KIDINS220: variants seen among roughly 807,000 people sequenced by gnomAD.
KIDINS220 encodes the protein kinase D-interacting substrate of 220 kDa.
Under a neutral mutation model 157.6 loss-of-function variants are expected in KIDINS220, and 63 were observed. The observed-to-expected ratio is 0.40, with a 90% confidence interval of 0.33 to 0.49. The LOEUF (loss-of-function observed/expected upper bound fraction) is 0.49, where lower values mean the gene tolerates loss of function less well. KIDINS220 is among the 20% of genes least tolerant of loss of function. KIDINS220 has a pLI of 0.66. For missense variants in KIDINS220, 1,772 were observed against 2,171.2 expected, an observed-to-expected ratio of 0.82 and a Z score of 3.65; for synonymous variants, 732 against 783.6, an observed-to-expected ratio of 0.93 and a Z score of 1.10.
At chr2:8,824,044 G>A (rs1678396281) in intron 2 of KIDINS220, among the ~76,000 whole-genome samples, 1 of 151,022 alleles carries the variant, frequency 6.6e-6, no homozygotes, top group South Asian at 2.1e-4. Context: ...GTTCAAATAT[G>A]GACTCTACCA....
intron 29 of KIDINS220, 93 bp from the exon 30 acceptor site, chr2:8,732,075 T>C: frequency 4.6e-6 from 5 of 1,084,538 alleles, no homozygotes; most frequent in Non-Finnish European, 5.0e-6. Context: ...ACACTAACCA[T>C]TTAAAAAGTC....
intron 24 of KIDINS220, among the ~76,000 whole-genome samples, chr2:8,748,477 A>C (rs972221601): frequency 4.6e-5 from 7 of 152,236 alleles, no homozygotes; most frequent in African/African-American, 1.7e-4. Flanking sequence ...TGTTATTACA[A>C]GTTCCTGGAG....
At chr2:8,794,733 T>C (rs913816155) in intron 11 of KIDINS220, among the ~76,000 whole-genome samples, 4 of 152,206 alleles carry the variant, frequency 2.6e-5, no homozygotes, top group African/African-American at 9.7e-5. Context: ...TGCAAAGTGC[T>C]CTCCTATTGA....
At chr2:8,770,604 G>A (rs1010814741) in intron 22 of KIDINS220, 66 bp downstream of exon 22, 60 of 800,430 alleles carry the variant, frequency 7.5e-5, no homozygotes, top group South Asian at 2.1e-4. Flanking sequence ...TGCTTTATAC[G>A]CGTTTTTTTT....
chr2:8,756,045 TG>T (rs965206138), intron 22 of KIDINS220, among the ~76,000 whole-genome samples: 7 of 152,224 alleles, frequency 4.6e-5, no homozygotes, highest in Admixed American at 6.5e-5. Flanking sequence ...GGTATAATAT[TG>T]AATCTGTAGA....
chr2:8,813,447 G>T lies in KIDINS220; in HGVS notation c.307-112C>A, dbSNP rs1473005318. 5.4e-6 allele frequency: 4 copies of T among 742,760 alleles called. No individual in the cohort carries two copies. The African/African-American group carries it at 5.4e-5, about 10-fold the overall frequency. 46.0% of individuals were successfully genotyped at this position (742,760 alleles called of 1,614,324 possible). ...ATATCTTTATAAATCATTGTTTCAT[G>T]ATGGTAGTATTATATAGTTCTAAAT... On this transcript the variant is annotated intron_variant, in intron 4 of 29. Transcript: ENST00000256707.
In KIDINS220 at chr2:8,779,743, T is replaced by C. The variant is rs773432517; in HGVS notation, c.2301A>G (p.Thr767=). The change falls in exon 18 of 30, where the codon ACA becomes ACG. Residue 767 remains threonine, a synonymous_variant. Coordinates refer to ENST00000256707, the MANE Select transcript of KIDINS220 (RefSeq NM_020738.4). ...ATCCATCGATGATGACCACCAGCCT[T>C]GTCTGATTCTGAGTGAAGCTGTCAA... ...KTIDSFTQNQ[T]RLVVIIDGLD... is the part of the protein sequence containing the mutation. The C allele has an allele frequency of 6.2e-6, 10 of 1,614,194 alleles. No homozygotes were observed. The highest frequency in any genetic ancestry group is 1.3e-5 in the African/African-American group (1 of 75,066).
chr2:8,800,536 T>C (rs768374920), intron 8 of KIDINS220, 38 bp from the exon 9 acceptor site: 6 of 1,401,864 alleles, frequency 4.3e-6, no homozygotes, highest in African/African-American at 1.4e-5. Context: ...ACAAGGTAAA[T>C]TGACAACAAA....
At chr2:8,780,269 C>T (rs778191934) in intron 17 of KIDINS220, among the ~76,000 whole-genome samples, 2 of 128,180 alleles carry the variant, frequency 1.6e-5, no homozygotes, top group Non-Finnish European at 3.8e-5. Flanking sequence ...GATATCTTTA[C>T]TGGGCTCTAG....
In KIDINS220 at chr2:8,792,915, C is replaced by T. The variant is rs538005185; in HGVS notation, c.1276+895G>A. ...TTGTTAGCAAAACAAACTAAATATT[C>T]ACCAATAGCGAACTCAATGTACGAA... On this transcript the variant is annotated intron_variant, in intron 12 of 29. Transcript: ENST00000256707. Among the ~76,000 whole-genome samples the T allele has an allele frequency of 3.9e-5, 6 of 152,282 alleles. No homozygotes were observed. In the East Asian group the frequency reaches 1.2e-3, roughly 29 times the overall value.
downstream of KIDINS220, chr2:8,725,733 G>A (rs770077399): frequency 9.2e-5 from 14 of 152,284 alleles, no homozygotes; most frequent in Admixed American, 7.2e-4. Context: ...GGATAATCAA[G>A]GTGGTATTAT....
chr2:8,762,675 C>T (rs1668916151), intron 22 of KIDINS220, among the ~76,000 whole-genome samples: 1 of 151,882 alleles, frequency 6.6e-6, no homozygotes, highest in South Asian at 2.1e-4. Context: ...GGAGGCGGAG[C>T]TTGCAGTGAG....
At chr2:8,726,897 T>C (rs150344773), downstream of KIDINS220, 184 of 1,288,696 alleles carry the variant, frequency 1.4e-4, 1 homozygote, top group East Asian at 7.9e-3. Context: ...CTTAGTTTAA[T>C]CTGGATCCTC....
chr2:8,823,646 G>A (rs953184275), intron 2 of KIDINS220, among the ~76,000 whole-genome samples: 2 of 151,966 alleles, frequency 1.3e-5, no homozygotes, highest in South Asian at 2.1e-4. Flanking sequence ...TTAATTTTAC[G>A]CTTATTGATG....
Position 8,793,797 on chromosome 2 carries a change from A to G in KIDINS220, c.1276+13T>C. The G allele has an allele frequency of 6.3e-7, 1 of 1,578,978 alleles. No individual in the cohort carries two copies. The highest frequency in any genetic ancestry group is 8.6e-7 in the Non-Finnish European group (1 of 1,165,004). Reference sequence around the variant, plus strand: ...ATTTAAAAGCTCAGTTAGGAGCAAAACTCAATACTTACTGGCTCCAAATAT... The same window carrying G: ...ATTTAAAAGCTCAGTTAGGAGCAAAGCTCAATACTTACTGGCTCCAAATAT... On this transcript the variant is annotated intron_variant, in intron 12 of 29. Transcript: ENST00000256707.
intron 26 of KIDINS220, 67 bp downstream of exon 26, chr2:8,747,078 A>G: frequency 2.8e-6 from 4 of 1,410,896 alleles, no homozygotes; most frequent in Non-Finnish European, 4.0e-6. Flanking sequence ...ATCACAATTA[A>G]GACAGTCATT....
chr2:8,767,968 A>C (rs1054553496), intron 22 of KIDINS220, among the ~76,000 whole-genome samples: 1 of 152,174 alleles, frequency 6.6e-6, no homozygotes, highest in African/African-American at 2.4e-5. Flanking sequence ...ATAAAGTACC[A>C]AAATAAAGAA....
Position 8,731,559 on chromosome 2 carries a change from C to G in KIDINS220, c.4477G>C (p.Gly1493Arg). 1 of 1,614,140 alleles carries G rather than the reference C, an allele frequency of 6.2e-7. No homozygotes were observed. Among genetic ancestry groups the G allele is most frequent in the Non-Finnish European group, 8.5e-7 (1 of 1,180,008 alleles). Residue 1493 changes from glycine (G) to arginine (R), a missense_variant, in exon 30 of 30, where the codon GGC becomes CGC. By Grantham distance (125) the Gly-to-Arg change is moderately radical (BLOSUM62 -2). This residue lies in a region of KIDINS220 where 793 missense variants were observed against 885.5 expected (regional missense o/e 0.90). Coordinates refer to ENST00000256707, the MANE Select transcript of KIDINS220 (RefSeq NM_020738.4). The surrounding 1 kb of genome is among the most constrained non-coding windows in gnomAD (Gnocchi z 5.2). ...CTTGACCTTTCGGAAGATTTCTTGC[C>G]TGGGAGAAGCTTACTGCCTGACTGA... ...SDQSGSKLLP[G>R]KKSSERSSLF...
chr2:8,759,236 A>T (rs376212897), intron 22 of KIDINS220, among the ~76,000 whole-genome samples: 7 of 152,162 alleles, frequency 4.6e-5, no homozygotes, highest in African/African-American at 1.7e-4. Flanking sequence ...AATGTGTTTG[A>T]CTTATGTGTT....
Sources: gnomAD v4.1 joint callset for allele counts (sites outside exome capture counted in the v4.1 genomes callset) on GRCh38, gnomAD v4.1.1 for gene constraint, gnomAD v4.1.1 regional missense constraint, Gnocchi (gnomAD v3.1) non-coding constraint, MANE v1.5 for transcripts, NCBI Gene and HGNC (gene_info 2026-07-23, HGNC 2026-07-21) for gene names.